Variants in DGKZ observed in about 807,000 individuals in gnomAD.
The protein encoded by DGKZ is diacylglycerol kinase zeta, also known as DAG kinase zeta.
A neutral mutation model predicts 142.5 loss-of-function variants in DGKZ; 45 were observed. The observed-to-expected ratio is 0.32, with a 90% CI of 0.25 to 0.40. DGKZ has a LOEUF of 0.40. Ranked by LOEUF, DGKZ falls within the 10% of genes least tolerant of loss-of-function variation. The probability of loss-of-function intolerance (pLI) is 1.00; values close to 1 mark genes in which losing one functional copy is unlikely to be tolerated. For missense variants in DGKZ, 755 were observed against 1,306.5 expected, an observed-to-expected ratio of 0.58 and a Z score of 6.51; for synonymous variants, 442 against 527.0, an observed-to-expected ratio of 0.84 and a Z score of 2.21.
At chr11:46,378,271 G>T (rs1486020343) in intron 26 of DGKZ, 42 bp downstream of exon 26, 8 of 1,584,898 alleles carry the variant, frequency 5.0e-6, no homozygotes, top group Non-Finnish European at 6.9e-6. Context: ...CTGCCTGGTT[G>T]GGGGCAGGAG....
intron 1 of DGKZ, among the ~76,000 whole-genome samples, chr11:46,355,171 C>G (rs575977145): frequency 1.8e-3 from 271 of 152,162 alleles, no homozygotes; most frequent in Non-Finnish European, 3.1e-3. Context: ...TGCAGTGGTG[C>G]GATCTCGGCT....
chr11:46,356,860 C>T (rs1287629287), intron 1 of DGKZ, among the ~76,000 whole-genome samples: 6 of 152,108 alleles, frequency 3.9e-5, no homozygotes, highest in Non-Finnish European at 7.3e-5. Context: ...TAGGAGGATT[C>T]GTAGCTTAAT....
intron 25 of DGKZ, chr11:46,377,522 C>T (rs531999311): frequency 4.2e-5 from 18 of 428,586 alleles, no homozygotes; most frequent in Non-Finnish European, 5.4e-5. Context: ...CCGGCTGCCA[C>T]GCCCTGGCCC....
chr11:46,376,489 C>T (rs1301839568), intron 23 of DGKZ, 35 bp from the exon 24 acceptor site: 2 of 1,613,792 alleles, frequency 1.2e-6, no homozygotes, highest in East Asian at 4.5e-5. Flanking sequence ...CTGGACATGG[C>T]ACTCCCTGAT....
chr11:46,366,997 G>C, intron 1 of DGKZ: 1 of 1,504,030 alleles, frequency 6.6e-7, no homozygotes, highest in Non-Finnish European at 8.8e-7. Flanking sequence ...AGGTATAGCT[G>C]TGGCCAGCAG....
chr11:46,361,065 GTCT>G (rs1942591372), intron 1 of DGKZ, among the ~76,000 whole-genome samples: 2 of 152,240 alleles, frequency 1.3e-5, no homozygotes, highest in South Asian at 4.1e-4. Flanking sequence ...CAGTAGTGCT[GTCT>G]GCACAGGGGA....
chr11:46,348,776 G>A (rs1309154269), intron 1 of DGKZ, among the ~76,000 whole-genome samples: 3 of 152,184 alleles, frequency 2.0e-5, no homozygotes, highest in Non-Finnish European at 4.4e-5. Flanking sequence ...GAGGCCCCAG[G>A]AGTACCTGAC....
chr11:46,379,294 C>A (rs1197857752), intron 29 of DGKZ, 58 bp downstream of exon 29: 3 of 1,606,052 alleles, frequency 1.9e-6, no homozygotes, highest in Non-Finnish European at 1.7e-6. Flanking sequence ...TTTTCCCCAC[C>A]CCTCCCATTT....
Position 46,367,379 on chromosome 11 carries a change from C to T in DGKZ, c.250C>T (p.Arg84Trp), listed in dbSNP as rs764807844. 2.3e-5 allele frequency: 37 copies of T among 1,613,006 alleles called. No homozygotes were observed. Among genetic ancestry groups the T allele is most frequent in the East Asian group, 6.7e-5 (3 of 44,888 alleles). ...GTGCAGCGAGTCAGAGCGGCAGATC[C>T]GGAGTACAGTGGACTGGAGCGTGAG... The change falls in exon 2 of 31, where the codon CGG becomes TGG. Residue 84 changes from arginine (R) to tryptophan (W), a missense_variant. Arg to Trp is a moderately radical substitution (Grantham distance 101, BLOSUM62 -3). This residue lies in a region of DGKZ where 81 missense variants were observed against 86.5 expected (regional missense o/e 0.94). Transcript: ENST00000527911. The surrounding 1 kb of genome is among the most constrained non-coding windows in gnomAD (Gnocchi z 4.1).
At chr11:46,359,520 C>G (rs375600563) in intron 1 of DGKZ, among the ~76,000 whole-genome samples, 1 of 152,204 alleles carries the variant, frequency 6.6e-6, no homozygotes, top group Non-Finnish European at 1.5e-5. Context: ...TTTCCAATGA[C>G]TGGTGCTTGA....
intron 1 of DGKZ, among the ~76,000 whole-genome samples, chr11:46,341,196 T>TCTCC (rs1330297993): frequency 1.3e-5 from 2 of 151,976 alleles, no homozygotes; most frequent in Non-Finnish European, 2.9e-5. Flanking sequence ...AAGAAGCCAG[T>TCTCC]CTCCCTCCCT....
chr11:46,354,821 G>T (rs927409081), intron 1 of DGKZ, among the ~76,000 whole-genome samples: 15 of 152,166 alleles, frequency 9.9e-5, no homozygotes, highest in Non-Finnish European at 1.3e-4. Context: ...CTGCATTTAG[G>T]TTTTTCCCTC....
chr11:46,333,150 G>A, exon 1 of DGKZ: 4 of 815,460 alleles, frequency 4.9e-6, no homozygotes, highest in Non-Finnish European at 6.5e-6. Context: ...GCGTCGCTAG[G>A]GACCTGCGGA....
At chr11:46,375,714 G>A in intron 20 of DGKZ, 83 bp downstream of exon 20, 1 of 1,510,580 alleles carries the variant, frequency 6.6e-7, no homozygotes, top group Non-Finnish European at 8.9e-7. Flanking sequence ...TCTGTAAAAG[G>A]GGCTGACTGT....
intron 25 of DGKZ, 153 bp downstream of exon 25, chr11:46,377,365 G>A (rs1944668106): frequency 7.3e-7 from 1 of 1,374,456 alleles, no homozygotes; most frequent in South Asian, 1.6e-5. Flanking sequence ...CTTCAGCCCT[G>A]TGGTTCTGTG....
intron 24 of DGKZ, 145 bp downstream of exon 24, chr11:46,376,709 G>A: frequency 8.9e-7 from 1 of 1,127,514 alleles, no homozygotes; most frequent in Non-Finnish European, 1.3e-6. Flanking sequence ...CTGTGTGCAT[G>A]GACAGCGTGC....
upstream of DGKZ, among the ~76,000 whole-genome samples, chr11:46,343,968 TAGAC>T (rs1305286477): frequency 1.3e-5 from 2 of 151,918 alleles, no homozygotes; most frequent in Non-Finnish European, 2.9e-5. Context: ...TTTTTTTTTT[TAGAC>T]AGAGTCTCAT....
chr11:46,359,603 A>ATATT (rs1171009269), intron 1 of DGKZ, among the ~76,000 whole-genome samples: 3 of 151,490 alleles, frequency 2.0e-5, no homozygotes, highest in African/African-American at 4.8e-5. Context: ...ATATTTATTT[A>ATATT]TATTTATTTA....
chr11:46,359,297 T>C (rs1267345218), intron 1 of DGKZ, among the ~76,000 whole-genome samples: 3 of 151,228 alleles, frequency 2.0e-5, no homozygotes, highest in African/African-American at 7.3e-5. Flanking sequence ...AAAAAAAAAT[T>C]AGCTGGGCAT....
Sources: allele counts gnomAD v4.1 joint callset (sites outside exome capture counted in the v4.1 genomes callset), GRCh38; gene constraint gnomAD v4.1.1; regional missense constraint gnomAD v4.1.1; non-coding constraint Gnocchi (gnomAD v3.1); transcripts MANE v1.5; gene names NCBI Gene and HGNC (gene_info 2026-07-23, HGNC 2026-07-21).